Variants in IPO5 observed in about 807,000 individuals in gnomAD.
IPO5 encodes importin 5.
In IPO5, 18 loss-of-function variants were observed where a neutral mutation model predicts 143.3. The ratio of observed to expected loss-of-function variants is 0.13; its 90% confidence interval spans 0.09 to 0.19. The LOEUF is 0.19. Among genes scored for constraint, IPO5 ranks in the 10% least tolerant of loss-of-function variants. IPO5 has a pLI of 1.00. For missense variants in IPO5, 1,013 were observed against 1,336.9 expected (o/e 0.76, Z 3.78); for synonymous variants, 477 against 465.7 (o/e 1.02, Z -0.31).
At chr13:97,966,893 G>A (rs1439761232) in intron 2 of IPO5, among the ~76,000 whole-genome samples, 5 of 152,076 alleles carry the variant, frequency 3.3e-5, no homozygotes, top group Non-Finnish European at 5.9e-5. Flanking sequence ...AAAATTAGCC[G>A]GGTGTGGTGG....
intron 2 of IPO5, among the ~76,000 whole-genome samples, chr13:97,969,243 G>T (rs190301353): frequency 7.3e-6 from 1 of 137,362 alleles, no homozygotes; most frequent in Non-Finnish European, 1.5e-5. Flanking sequence ...GAGCAGTGGC[G>T]CGATCTCAGC....
chr13:98,003,873 A>C (rs1243413763), intron 16 of IPO5, among the ~76,000 whole-genome samples: 1 of 152,218 alleles, frequency 6.6e-6, no homozygotes, highest in Admixed American at 6.6e-5. Flanking sequence ...AAAGAGAAGA[A>C]ATTAAAAAAC....
intron 4 of IPO5, chr13:97,979,857 C>T: frequency 2.2e-6 from 1 of 456,426 alleles, no homozygotes; most frequent in Non-Finnish European, 4.4e-6. Flanking sequence ...CAGAGGATAA[C>T]ATTGAAAAAT....
chr13:97,990,617 C>A, intron 9 of IPO5, 80 bp downstream of exon 9: 1 of 764,026 alleles, frequency 1.3e-6, no homozygotes. Flanking sequence ...GCAATAAATT[C>A]ATATTGCCTA....
At chr13:97,993,954 G>C (rs1321268570) in intron 11 of IPO5, among the ~76,000 whole-genome samples, 1 of 152,162 alleles carries the variant, frequency 6.6e-6, no homozygotes, top group Non-Finnish European at 1.5e-5. Flanking sequence ...CTTTATCACT[G>C]TTCATGTTGT....
intron 16 of IPO5, among the ~76,000 whole-genome samples, chr13:98,005,678 G>A (rs1487646343): frequency 1.3e-5 from 2 of 152,050 alleles, no homozygotes; most frequent in East Asian, 1.9e-4. Flanking sequence ...TCCTTCGTGC[G>A]ATCTTCTGGG....
intron 2 of IPO5, among the ~76,000 whole-genome samples, chr13:97,958,671 C>CA (rs1185538834): frequency 2.3e-3 from 324 of 138,392 alleles, no homozygotes; most frequent in African/African-American, 6.3e-3. Context: ...AAAACTATCT[C>CA]AAAAAAAAAA....
At chr13:98,013,511 T>A (rs1889880830) in intron 21 of IPO5, among the ~76,000 whole-genome samples, 1 of 152,130 alleles carries the variant, frequency 6.6e-6, no homozygotes, top group Non-Finnish European at 1.5e-5. Flanking sequence ...AGAAGACAGC[T>A]TTTACCCAAC....
In IPO5 at chr13:98,006,146, C is replaced by G; in HGVS notation, c.1514C>G (p.Thr505Ser). The change falls in exon 17 of 29, where the codon ACC (threonine) becomes AGC (serine). Residue 505 changes from threonine to serine, a missense_variant. Thr to Ser is a moderately conservative substitution (Grantham distance 58, BLOSUM62 1). Around this residue, in one of 2 missense-constraint regions of IPO5, gnomAD observed 685 missense variants for 994.9 expected, o/e 0.69. Coordinates refer to ENST00000651721, the MANE Select transcript of IPO5 (RefSeq NM_002271.6). ...LKLQELIQKGTKLVLEQVVTS... is the reference protein window; with the variant it reads ...LKLQELIQKGSKLVLEQVVTS... Reference sequence around the variant, plus strand: ...TCCTTCTAGCTGATTCAGAAAGGCACCAAGTTAGTTTTGGAACAAGTTGTG... The same window carrying G: ...TCCTTCTAGCTGATTCAGAAAGGCAGCAAGTTAGTTTTGGAACAAGTTGTG... 6.2e-7 allele frequency: 1 copy of G among 1,612,860 alleles called. No homozygotes were observed. Among genetic ancestry groups the G allele is most frequent in the Non-Finnish European group, 8.5e-7 (1 of 1,179,038 alleles).
chr13:98,005,198 CTTT>C (rs1172863199), intron 16 of IPO5, among the ~76,000 whole-genome samples: 1 of 142,910 alleles, frequency 7.0e-6, no homozygotes. Context: ...TGCCTGGCTT[CTTT>C]TTTTTTTTTT....
chr13:98,021,186 G>A (rs1411009741), intron 28 of IPO5, 53 bp downstream of exon 28: 2 of 1,501,682 alleles, frequency 1.3e-6, no homozygotes, highest in Non-Finnish European at 1.8e-6. Flanking sequence ...TTTTTTCTTT[G>A]TAGTCCTCTA....
Position 98,019,672 on chromosome 13 carries a change from A to G in IPO5, c.2928A>G (p.Val976=). The G allele has an allele frequency of 6.2e-7, 1 of 1,614,058 alleles. No individual in the cohort carries two copies. Among genetic ancestry groups the G allele is most frequent in the Non-Finnish European group, 8.5e-7 (1 of 1,179,866 alleles). The part of the protein sequence containing the change: ...VNATENCISA[V]GKIMKFKPDC... ...CTACAGAGAACTGCATCTCAGCAGT[A>G]GGGAAAATCATGAAGTTCAAGCCTG... The change falls in exon 27 of 29, where the codon GTA becomes GTG. Residue 976 remains valine, a synonymous_variant. Transcript: ENST00000651721.
At chr13:97,991,367 A>G (rs1044998039) in intron 9 of IPO5, among the ~76,000 whole-genome samples, 1 of 152,210 alleles carries the variant, frequency 6.6e-6, no homozygotes, top group African/African-American at 2.4e-5. Flanking sequence ...TACAAATGCA[A>G]TAGCTAAAAC....
chr13:97,974,073 T>C (rs994830322), intron 3 of IPO5, among the ~76,000 whole-genome samples: 4 of 152,026 alleles, frequency 2.6e-5, no homozygotes, highest in South Asian at 2.1e-4. Flanking sequence ...AAAATAATAA[T>C]AATAACAATA....
chr13:97,997,434 TAC>T (rs1888389326), intron 11 of IPO5, 95 bp from the exon 12 acceptor site: 1 of 603,888 alleles, frequency 1.7e-6, no homozygotes, highest in African/African-American at 1.9e-5. Context: ...CTTGTTCTCT[TAC>T]AGGCAAAGTA....
rs560092911 is a variant in IPO5, at chr13:98,006,132, G to C, written c.1500G>C (p.Leu500=). ...HSIMVLKLQE[L]IQKGTKLVLE... is the part of the protein sequence containing the mutation. ...AATAATTTGTGTCTTCCTTCTAGCTGATTCAGAAAGGCACCAAGTTAGTTT... is the reference window on the plus strand; with the variant it reads ...AATAATTTGTGTCTTCCTTCTAGCTCATTCAGAAAGGCACCAAGTTAGTTT... The change falls in exon 17 of 29, where the codon CTG becomes CTC. Residue 500 remains leucine (L), a splice_region_variant and synonymous_variant. Transcript: ENST00000651721. 2.5e-6 allele frequency: 4 copies of C among 1,607,646 alleles called. No individual in the cohort carries two copies. Among genetic ancestry groups the C allele is most frequent in the South Asian group, 2.2e-5 (2 of 90,866 alleles).
In IPO5 at chr13:98,011,101, TTAATGTA is replaced by T. The variant is rs1238932700; in HGVS notation, c.2055+879_2055+885del. On this transcript the variant is annotated intron_variant, in intron 20 of 28. Coordinates refer to ENST00000651721, the MANE Select transcript of IPO5 (RefSeq NM_002271.6). ...TACTTTTAAAGTTAGATTTTAGAAATTAATGTATTTCTTATTGTCATCTTCAATACTT... is the reference window on the plus strand; with the variant it reads ...TACTTTTAAAGTTAGATTTTAGAAATTTTCTTATTGTCATCTTCAATACTT... 7.9e-5 allele frequency among the ~76,000 whole-genome samples: 12 copies of T among 152,234 alleles called. No homozygotes were observed. The South Asian group carries it at 2.3e-3, about 29-fold the overall frequency.
Position 97,982,538 on chromosome 13 carries a change from C to G in IPO5, c.126C>G (p.Ile42Met), listed in dbSNP as rs1886941759. ...AGAATATCCCAGGCCAGTCAAAGAT[C>G]ACATTCCTCTTACAAGCCATCAGAA... The part of the protein sequence containing the change: ...TYENIPGQSK[I>M]TFLLQAIRNT... Residue 42 changes from isoleucine (I) to methionine (M), a missense_variant, in exon 5 of 29, where the codon ATC becomes ATG. Around this residue, in one of 2 missense-constraint regions of IPO5, gnomAD observed 328 missense variants for 342.0 expected, o/e 0.96. Coordinates refer to ENST00000651721, the MANE Select transcript of IPO5 (RefSeq NM_002271.6). 3 of 1,612,680 alleles carry G rather than the reference C, an allele frequency of 1.9e-6. No homozygotes were observed. The highest frequency in any genetic ancestry group is 2.5e-6 in the Non-Finnish European group (3 of 1,179,100).
Position 98,008,076 on chromosome 13 carries a change from A to G in IPO5, c.1734A>G (p.Ser578=). 1 of 1,608,192 alleles carries G rather than the reference A, an allele frequency of 6.2e-7. No individual in the cohort carries two copies. Among genetic ancestry groups the G allele is most frequent in the Non-Finnish European group, 8.5e-7 (1 of 1,174,618 alleles). ...VGKEKFMQDA[S]DVMQLLLKTQ... is the part of the protein sequence containing the mutation. ...TCCTCTAGTTCATGCAGGATGCATC[A>G]GATGTGATGCAGCTTTTGTTAAAGA... is the stretch of plus-strand genomic sequence containing the variant. The change falls in exon 18 of 29, where the codon TCA becomes TCG. Residue 578 remains serine (S), a synonymous_variant. Coordinates refer to ENST00000651721, the MANE Select transcript of IPO5 (RefSeq NM_002271.6).
Sources: gnomAD v4.1 joint callset for allele counts (sites outside exome capture counted in the v4.1 genomes callset) on GRCh38, gnomAD v4.1.1 for gene constraint, gnomAD v4.1.1 regional missense constraint, MANE v1.5 for transcripts, NCBI Gene and HGNC (gene_info 2026-07-23, HGNC 2026-07-21) for gene names.